The following FGF12 variants were observed in gnomAD, a reference collection of about 807,000 sequenced individuals.
The protein encoded by FGF12 is fibroblast growth factor 12, also known as fibroblast growth factor 12B.
FGF12 carries 14 observed loss-of-function variants against 23.6 expected under a neutral mutation model. That is an observed-to-expected ratio of 0.59 (90% CI 0.39 to 0.93). The LOEUF (loss-of-function observed/expected upper bound fraction) is 0.93. FGF12 is among the 40% of genes least tolerant of loss of function. FGF12 has a pLI of 0.00. For missense variants in FGF12, 175 were observed against 217.8 expected, an observed-to-expected ratio of 0.80 and a Z score of 1.24; for synonymous variants, 62 against 77.3, an observed-to-expected ratio of 0.80 and a Z score of 1.04.
intron 4 of FGF12, among the ~76,000 whole-genome samples, chr3:192,307,130 T>A (rs1329666852): frequency 6.6e-6 from 1 of 152,196 alleles, no homozygotes; most frequent in Admixed American, 6.5e-5. Context: ...ATCTTAGGCA[T>A]CATTTCATGT....
chr3:192,462,110 T>C (rs1560118398), intron 2 of FGF12, among the ~76,000 whole-genome samples: 2 of 152,142 alleles, frequency 1.3e-5, no homozygotes, highest in Non-Finnish European at 2.9e-5. Context: ...AACTCACTAG[T>C]AATAAAGAAA....
At chr3:192,505,654 G>T (rs1724269402) in intron 2 of FGF12, among the ~76,000 whole-genome samples, 1 of 152,044 alleles carries the variant, frequency 6.6e-6, no homozygotes, top group African/African-American at 2.4e-5. Context: ...AATTATAAAA[G>T]AAACACATTT....
intron 5 of FGF12, among the ~76,000 whole-genome samples, chr3:192,152,125 C>G (rs1247341588): frequency 1.5e-3 from 109 of 73,920 alleles, no homozygotes; most frequent in East Asian, 8.5e-3. Flanking sequence ...GTAGTATTCT[C>G]TGATGGTAGT....
At position 192,408,676 on chromosome 3, in the gene FGF12, A is replaced by G; in HGVS notation, c.14-48138T>C. The G allele has an allele frequency of 1.0e-6, 1 of 995,148 alleles. No homozygotes were observed. Among genetic ancestry groups the G allele is most frequent in the Non-Finnish European group, 1.2e-6 (1 of 836,516 alleles). The allele number at this position is 995,148 out of a possible 1,614,324, so 61.6% of individuals were successfully genotyped here. A position where few individuals can be genotyped will look rare whatever the true frequency, so the allele number is the denominator to read the frequency against. ...TGTAAGGTGTCCAAAGTATACCTAC[A>G]CATACATACATAGAAAACCCGTTTA... On this transcript the variant is annotated intron_variant, in intron 2 of 5. Coordinates refer to ENST00000445105, the MANE Select transcript of FGF12 (RefSeq NM_004113.6). This position sits in a 1 kb window ranked among gnomAD's most constrained non-coding sequence, Gnocchi z 7.3.
intron 2 of FGF12, among the ~76,000 whole-genome samples, chr3:192,576,296 T>C (rs545190941): frequency 5.9e-5 from 9 of 152,308 alleles, no homozygotes; most frequent in African/African-American, 2.2e-4. Context: ...ACAGCAACCA[T>C]GTTGTAACAA....
chr3:192,364,333 C>T (rs1012976785), intron 2 of FGF12, among the ~76,000 whole-genome samples: 2 of 152,104 alleles, frequency 1.3e-5, no homozygotes, highest in Non-Finnish European at 2.9e-5. Flanking sequence ...TAAAATTATG[C>T]TCTTCCATTA....
chr3:192,587,309 T>C (rs1553835501), intron 2 of FGF12, among the ~76,000 whole-genome samples: 1 of 151,880 alleles, frequency 6.6e-6, no homozygotes, highest in Non-Finnish European at 1.5e-5. Flanking sequence ...CAAGCAAGTT[T>C]CTAGAGGCCC....
In FGF12 at chr3:192,666,872, T is replaced by C. The variant is rs560581251; in HGVS notation, c.13+60309A>G. ...ATATGATTGACACTACATTAGAGATTAAAGAATACAATAGTTTAGATGGAT... is the reference window on the plus strand; with the variant it reads ...ATATGATTGACACTACATTAGAGATCAAAGAATACAATAGTTTAGATGGAT... On this transcript the variant is annotated intron_variant, in intron 2 of 5. Coordinates refer to ENST00000445105, the MANE Select transcript of FGF12 (RefSeq NM_004113.6). Among the ~76,000 whole-genome samples the C allele has an allele frequency of 2.6e-5, 4 of 152,014 alleles. No homozygotes were observed. The South Asian group carries it at 8.3e-4, about 32-fold the overall frequency.
chr3:192,670,440 T>C (rs748134411), intron 2 of FGF12, among the ~76,000 whole-genome samples: 9 of 152,142 alleles, frequency 5.9e-5, no homozygotes, highest in Admixed American at 3.3e-4. Flanking sequence ...ATAGATCTTC[T>C]GAGACCAAAT....
At chr3:192,690,586 C>CAAAA (rs35837229) in intron 2 of FGF12, among the ~76,000 whole-genome samples, 4 of 92,100 alleles carry the variant, frequency 4.3e-5, no homozygotes, top group African/African-American at 8.0e-5. Context: ...CACAACACTA[C>CAAAA]AAAAAAAAAA....
At chr3:192,223,321 C>A (rs1271205600) in intron 4 of FGF12, among the ~76,000 whole-genome samples, 2 of 152,128 alleles carry the variant, frequency 1.3e-5, no homozygotes, top group African/African-American at 2.4e-5. Flanking sequence ...AATATCAGTG[C>A]ATAGCTACTG....
chr3:192,722,521 G>A (rs1283811633), intron 2 of FGF12, among the ~76,000 whole-genome samples: 1 of 152,090 alleles, frequency 6.6e-6, no homozygotes, highest in Non-Finnish European at 1.5e-5. Flanking sequence ...AATCTTCCTT[G>A]GAAATACATG....
chr3:192,410,156 TGGGGCCGAGCTG>T (rs1324016916), intron 2 of FGF12, among the ~76,000 whole-genome samples: 1 of 151,696 alleles, frequency 6.6e-6, no homozygotes, highest in East Asian at 2.0e-4. Context: ...AGCGCCCAGG[TGGGGCCGAGCTG>T]GGGGCCGGGC....
chr3:192,565,085 C>G (rs992808982), intron 2 of FGF12, among the ~76,000 whole-genome samples: 1 of 152,140 alleles, frequency 6.6e-6, no homozygotes, highest in Admixed American at 6.5e-5. Flanking sequence ...TGTTTATTAA[C>G]TAAAAATTTA....
At chr3:192,704,868 T>C (rs1335503297) in intron 2 of FGF12, among the ~76,000 whole-genome samples, 1 of 152,230 alleles carries the variant, frequency 6.6e-6, no homozygotes, top group Non-Finnish European at 1.5e-5. Flanking sequence ...CCTTGTGCAC[T>C]ATGTTACAAA....
chr3:192,458,876 T>C (rs964139971), intron 2 of FGF12, among the ~76,000 whole-genome samples: 1 of 152,172 alleles, frequency 6.6e-6, no homozygotes, highest in African/African-American at 2.4e-5. Flanking sequence ...CCACGTGTTG[T>C]GGGAGGGATC....
chr3:192,298,565 CA>C (rs940226292), intron 4 of FGF12, among the ~76,000 whole-genome samples: 6 of 152,096 alleles, frequency 3.9e-5, no homozygotes, highest in Non-Finnish European at 7.4e-5. Context: ...CCAGCCGGGC[CA>C]AAATGGTGAA....
intron 2 of FGF12, among the ~76,000 whole-genome samples, chr3:192,698,772 T>C (rs1718205053): frequency 6.6e-6 from 1 of 152,212 alleles, no homozygotes. Flanking sequence ...AACAGTTAGA[T>C]ACTTGCCAAT....
At chr3:192,279,616 T>C (rs757286888) in intron 4 of FGF12, among the ~76,000 whole-genome samples, 3 of 151,994 alleles carry the variant, frequency 2.0e-5, no homozygotes, top group Non-Finnish European at 4.4e-5. Flanking sequence ...ATATAGTGAG[T>C]GAGCAGCAAA....
Sources: gnomAD v4.1 joint callset for allele counts (sites outside exome capture counted in the v4.1 genomes callset) on GRCh38, gnomAD v4.1.1 for gene constraint, Gnocchi (gnomAD v3.1) non-coding constraint, MANE v1.5 for transcripts, NCBI Gene and HGNC (gene_info 2026-07-23, HGNC 2026-07-21) for gene names.